Variants in EFEMP1 observed in about 807,000 individuals in gnomAD.
The protein encoded by EFEMP1 is EGF-like fibulin extracellular matrix protein 1.
In EFEMP1, 18 loss-of-function variants were observed where a neutral mutation model predicts 65.7. That is an observed-to-expected ratio of 0.27 (90% CI 0.19 to 0.41). The LOEUF (loss-of-function observed/expected upper bound fraction) is 0.41. Among genes scored for constraint, EFEMP1 ranks in the 10% least tolerant of loss-of-function variants. The pLI, the probability that EFEMP1 is intolerant of heterozygous loss-of-function variation, is 1.00. For synonymous variants in EFEMP1, 237 were observed against 219.7 expected (o/e 1.08, Z -0.70); for missense variants, 469 against 624.8 (o/e 0.75, Z 2.66).
intron 8 of EFEMP1, 61 bp from the exon 9 acceptor site, chr2:55,875,126 ATATATATATATATATAAAT>A (rs1432674286): frequency 4.0e-6 from 2 of 500,544 alleles, no homozygotes; most frequent in Non-Finnish European, 5.4e-6. Flanking sequence ...ACTACTTTGG[ATATATATATATATATAAAT>A]TATATATATA....
intron 11 of EFEMP1, among the ~76,000 whole-genome samples, chr2:55,868,126 G>C (rs1380678732): frequency 6.6e-6 from 1 of 152,158 alleles, no homozygotes; most frequent in Admixed American, 6.6e-5. Context: ...CAAGCTCCAC[G>C]GGGGCAGGAA....
chr2:55,919,166 A>G lies in EFEMP1; in HGVS notation c.82-899T>C, dbSNP rs1387835277. On this transcript the variant is annotated intron_variant, in intron 3 of 11. Coordinates refer to ENST00000355426, the MANE Select transcript of EFEMP1 (RefSeq NM_001039348.3). This position sits in a 1 kb window ranked among gnomAD's most constrained non-coding sequence, Gnocchi z 4.5. ...AGAGGCTATTGTGACAAAGGCATAAAATTTTTGAAAAGGGAAGGAGCTGCA... is the reference window on the plus strand; with the variant it reads ...AGAGGCTATTGTGACAAAGGCATAAGATTTTTGAAAAGGGAAGGAGCTGCA... 6.6e-6 allele frequency among the ~76,000 whole-genome samples: 1 copy of G among 152,162 alleles called. No homozygotes were observed. The highest frequency in any genetic ancestry group is 2.4e-5 in the African/African-American group (1 of 41,448).
chr2:55,889,985 T>C (rs781464814), intron 5 of EFEMP1, among the ~76,000 whole-genome samples: 2 of 152,002 alleles, frequency 1.3e-5, no homozygotes, highest in Non-Finnish European at 2.9e-5. Flanking sequence ...CCTAAACATA[T>C]CAGTGGTTAT....
chr2:55,877,862 A>G lies in EFEMP1; in HGVS notation c.644T>C (p.Ile215Thr), dbSNP rs1411528004. ...ATATGGAGGGATGGTACATTCATCT[A>G]TGTCTAGGTTATCAGGCACACACAC... ...YQKRGEQCVD[I>T]DECTIPPYCH... The change falls in exon 7 of 12, where the codon ATA (isoleucine) becomes ACA (threonine). Residue 215 changes from isoleucine (I) to threonine (T), a missense_variant. Physicochemically the swap from Ile to Thr is moderately conservative, Grantham distance 89 (BLOSUM62 -1). This residue lies in a region of EFEMP1 where 399 missense variants were observed against 528.2 expected (regional missense o/e 0.76). Coordinates refer to ENST00000355426, the MANE Select transcript of EFEMP1 (RefSeq NM_001039348.3). The surrounding 1 kb of genome is among the most constrained non-coding windows in gnomAD (Gnocchi z 4.5). 6 of 1,612,856 alleles carry G rather than the reference A, an allele frequency of 3.7e-6. No homozygotes were observed. In the African/African-American group the frequency reaches 4.0e-5, roughly 11 times the overall value.
intron 5 of EFEMP1, among the ~76,000 whole-genome samples, chr2:55,895,304 T>C (rs1172069019): frequency 3.3e-5 from 5 of 152,208 alleles, no homozygotes; most frequent in African/African-American, 4.8e-5. Context: ...ATACATAAAA[T>C]TGTCTTTTCC....
intron 6 of EFEMP1, among the ~76,000 whole-genome samples, chr2:55,879,517 T>G (rs1378205862): frequency 6.6e-6 from 1 of 152,252 alleles, no homozygotes; most frequent in African/African-American, 2.4e-5. Flanking sequence ...GCATGTCTTC[T>G]TAACTAATAA....
intron 5 of EFEMP1, among the ~76,000 whole-genome samples, chr2:55,904,011 C>T (rs1268662809): frequency 1.3e-5 from 2 of 152,090 alleles, no homozygotes; most frequent in East Asian, 1.9e-4. Context: ...GGGTAAGAAG[C>T]AGCGCCTGGA....
Position 55,867,564 on chromosome 2 carries a change from A to C in EFEMP1, c.1321-330T>G, listed in dbSNP as rs1668628831. On this transcript the variant is annotated intron_variant, in intron 11 of 11. Coordinates refer to ENST00000355426, the MANE Select transcript of EFEMP1 (RefSeq NM_001039348.3). The surrounding 1 kb of genome is among the most constrained non-coding windows in gnomAD (Gnocchi z 4.3). ...ACTAGAGCTTAAGTGAGAATCTGATAATTTCTAAACTTGTAAACAAAGTTG... is the reference window on the plus strand; with the variant it reads ...ACTAGAGCTTAAGTGAGAATCTGATCATTTCTAAACTTGTAAACAAAGTTG... Among the ~76,000 whole-genome samples, 1 of 151,948 alleles carries C rather than the reference A, an allele frequency of 6.6e-6. No homozygotes were observed. The highest frequency in any genetic ancestry group is 2.1e-4 in the South Asian group (1 of 4,820).
rs1000855421 is a variant in EFEMP1 at position 55,919,780 on chromosome 2, T to C, written c.82-1513A>G. Among the ~76,000 whole-genome samples the C allele has an allele frequency of 5.3e-5, 8 of 152,232 alleles. No individual in the cohort carries two copies. Among genetic ancestry groups the C allele is most frequent in the African/African-American group, 1.7e-4 (7 of 41,458 alleles). On this transcript the variant is annotated intron_variant, in intron 3 of 11. Transcript: ENST00000355426. The surrounding 1 kb of genome is among the most constrained non-coding windows in gnomAD (Gnocchi z 4.5). ...TTTGTCTCTCAGACTAATTTTTTTC[T>C]TGTTTCCCAAACAGTGTTAAAGGTA...
intron 5 of EFEMP1, among the ~76,000 whole-genome samples, chr2:55,916,958 G>T (rs534039971): frequency 3.9e-5 from 6 of 152,350 alleles, no homozygotes; most frequent in African/African-American, 1.4e-4. Flanking sequence ...ACCCTAGGCA[G>T]ATGATGCCAT....
chr2:55,867,112 C>T lies in EFEMP1; in HGVS notation c.1443G>A (p.Val481=). ...GCCCCACTATTATTGTCAATCTTAA[C>T]ACAGAGCTTGTGCGGAAGGTCCCTA... ...SSIGTFRTSS[V]LRLTIIVGPF... is the part of the protein sequence containing the mutation. The change falls in exon 12 of 12, where the codon GTG becomes GTA. Residue 481 remains valine (V), a synonymous_variant. Coordinates refer to ENST00000355426, the MANE Select transcript of EFEMP1 (RefSeq NM_001039348.3). This position sits in a 1 kb window ranked among gnomAD's most constrained non-coding sequence, Gnocchi z 4.3. The T allele has an allele frequency of 6.2e-7, 1 of 1,613,512 alleles. No individual in the cohort carries two copies. The highest frequency in any genetic ancestry group is 8.5e-7 in the Non-Finnish European group (1 of 1,179,932).
chr2:55,916,337 C>T (rs948391190), intron 5 of EFEMP1, among the ~76,000 whole-genome samples: 5 of 152,002 alleles, frequency 3.3e-5, no homozygotes, highest in African/African-American at 9.7e-5. Flanking sequence ...CTTGAACTCC[C>T]GACCTCAGGT....
Position 55,867,259 on chromosome 2 carries a change from G to T in EFEMP1, c.1321-25C>A, listed in dbSNP as rs77784128. Reference sequence around the variant, plus strand: ...GCTAAAATAAAAGAAAATAGAGAAAGGAAGAGAATAATTTTCTTGGATTGG... The same window carrying T: ...GCTAAAATAAAAGAAAATAGAGAAATGAAGAGAATAATTTTCTTGGATTGG... On this transcript the variant is annotated intron_variant, in intron 11 of 11. Transcript: ENST00000355426. The surrounding 1 kb of genome is among the most constrained non-coding windows in gnomAD (Gnocchi z 4.3). 44 of 1,610,986 alleles carry T rather than the reference G, an allele frequency of 2.7e-5. No homozygotes were observed. Among genetic ancestry groups the T allele is most frequent in the East Asian group, 2.5e-4 (11 of 44,742 alleles).
intron 11 of EFEMP1, among the ~76,000 whole-genome samples, chr2:55,868,726 C>T (rs984753919): frequency 6.6e-6 from 1 of 152,106 alleles, no homozygotes; most frequent in South Asian, 2.1e-4. Flanking sequence ...TTAACTTTTT[C>T]TACACAATAA....
intron 5 of EFEMP1, among the ~76,000 whole-genome samples, chr2:55,884,610 A>G (rs1360430013): frequency 6.6e-6 from 1 of 152,174 alleles, no homozygotes; most frequent in Non-Finnish European, 1.5e-5. Context: ...TGTTTCCTAC[A>G]TTTGTATGGG....
chr2:55,890,630 AAAC>A (rs887505399), intron 5 of EFEMP1, among the ~76,000 whole-genome samples: 12 of 152,206 alleles, frequency 7.9e-5, no homozygotes, highest in East Asian at 3.9e-4. Context: ...AATAAGATAG[AAAC>A]AACAACAACA....
rs914857343 is a variant in EFEMP1, at chr2:55,922,153, A to G, written c.81+207T>C. ...CACAAATGATTACATGTTGGTTCCT[A>G]TCTTAGGTGGTGAGCCCAATGAACT... On this transcript the variant is annotated intron_variant, in intron 3 of 11. Transcript: ENST00000355426. This position sits in a 1 kb window ranked among gnomAD's most constrained non-coding sequence, Gnocchi z 5.5. 50 of 553,412 alleles carry G rather than the reference A, an allele frequency of 9.0e-5. No homozygotes were observed. In the Admixed American group the frequency reaches 1.2e-3, roughly 14 times the overall value. The allele number at this position is 553,412 out of a possible 1,614,324, so 34.3% of individuals were successfully genotyped here. A position where few individuals can be genotyped will look rare whatever the true frequency, so the allele number is the denominator to read the frequency against.
intron 5 of EFEMP1, among the ~76,000 whole-genome samples, chr2:55,893,554 C>T (rs1474846674): frequency 6.6e-6 from 1 of 152,156 alleles, no homozygotes. Context: ...AATCTCACTG[C>T]CACATCTATG....
At chr2:55,874,793 G>A (rs1477693312) in intron 9 of EFEMP1, among the ~76,000 whole-genome samples, 153 bp downstream of exon 9, 1 of 151,868 alleles carries the variant, frequency 6.6e-6, no homozygotes, top group East Asian at 1.9e-4. Flanking sequence ...TTTATGAGAT[G>A]TATATATTTT....
Sources: gnomAD v4.1 joint callset for allele counts (sites outside exome capture counted in the v4.1 genomes callset) on GRCh38, gnomAD v4.1.1 for gene constraint, gnomAD v4.1.1 regional missense constraint, Gnocchi (gnomAD v3.1) non-coding constraint, MANE v1.5 for transcripts, NCBI Gene and HGNC (gene_info 2026-07-23, HGNC 2026-07-21) for gene names.